Variants in GLIS3 observed in about 807,000 individuals in gnomAD.
GLIS3 encodes GLIS family zinc finger 3, also known as zinc finger protein GLIS3.
A neutral mutation model predicts 78.6 loss-of-function variants in GLIS3; 53 were observed. The observed-to-expected ratio is 0.67, with a 90% confidence interval of 0.54 to 0.85. The LOEUF is 0.85. GLIS3 is among the 40% of genes least tolerant of loss of function. The pLI is 0.00. For synonymous variants in GLIS3, 684 were observed against 509.9 expected, an observed-to-expected ratio of 1.34 and a Z score of -4.60; for missense variants, 1,703 against 1,231.1, an observed-to-expected ratio of 1.38 and a Z score of -5.74.
At chr9:3,962,692 A>G (rs1007978246) in intron 4 of GLIS3, among the ~76,000 whole-genome samples, 2 of 152,114 alleles carry the variant, frequency 1.3e-5, no homozygotes, top group African/African-American at 4.8e-5. Flanking sequence ...AAATAGGGAG[A>G]AACAAGAGAA....
At chr9:4,148,172 C>T (rs1005170403) in intron 2 of GLIS3, among the ~76,000 whole-genome samples, 2 of 152,120 alleles carry the variant, frequency 1.3e-5, no homozygotes, top group East Asian at 1.9e-4. Context: ...ATCCCTCCCC[C>T]CTTTTTCTTA....
chr9:4,138,421 C>A (rs10974342), intron 2 of GLIS3, among the ~76,000 whole-genome samples: 4,368 of 152,284 alleles, frequency 0.029, 87 homozygotes, highest in Middle Eastern at 0.11. Flanking sequence ...AATTGAGTTG[C>A]TTCACTGCTG....
intron 2 of GLIS3, among the ~76,000 whole-genome samples, chr9:4,185,157 C>G (rs1004411155): frequency 6.6e-6 from 1 of 152,202 alleles, no homozygotes; most frequent in African/African-American, 2.4e-5. Flanking sequence ...CCGTCCCTAT[C>G]AATTTGACTT....
At chr9:4,026,686 T>C (rs545518766) in intron 4 of GLIS3, among the ~76,000 whole-genome samples, 51 of 152,346 alleles carry the variant, frequency 3.3e-4, no homozygotes, top group Non-Finnish European at 5.4e-4. Flanking sequence ...TATTTTGACA[T>C]CTCTTTTCTT....
At chr9:4,196,411 C>T (rs10814877) in intron 2 of GLIS3, among the ~76,000 whole-genome samples, 39,311 of 152,162 alleles carry the variant, frequency 0.26, 6,127 homozygotes, top group South Asian at 0.46. Context: ...CCTTTCCGCA[C>T]TGTGGAAGCT....
chr9:4,136,837 C>T (rs1037375284), intron 2 of GLIS3, among the ~76,000 whole-genome samples: 1 of 152,172 alleles, frequency 6.6e-6, no homozygotes, highest in Non-Finnish European at 1.5e-5. Flanking sequence ...ATTACTTATC[C>T]AACAGTGGTT....
chr9:4,467,597 C>T, the GLIS3 span, among the ~76,000 whole-genome samples: 4 of 152,172 alleles, frequency 2.6e-5, no homozygotes, highest in African/African-American at 9.7e-5. Flanking sequence ...AACTAACAAA[C>T]AGAAAGGACA....
chr9:4,034,205 C>T (rs940510413), intron 4 of GLIS3, among the ~76,000 whole-genome samples: 2 of 152,046 alleles, frequency 1.3e-5, no homozygotes, highest in African/African-American at 4.8e-5. Flanking sequence ...CTGGGCAACA[C>T]AGTAGCACCT....
chr9:3,981,370 C>G (rs576333625), intron 4 of GLIS3, among the ~76,000 whole-genome samples: 1 of 152,316 alleles, frequency 6.6e-6, no homozygotes, highest in Admixed American at 6.5e-5. Context: ...ATGCAAAAGC[C>G]TGACTCTAGC....
Position 4,118,958 on chromosome 9 carries a change from G to C in GLIS3, c.597-77C>G. On this transcript the variant is annotated intron_variant, in intron 3 of 10. Transcript: ENST00000381971. The surrounding 1 kb of genome is among the most constrained non-coding windows in gnomAD (Gnocchi z 4.7). ...GATACGGATTGCTTAAGAGCTAAAA[G>C]AACACTGCATTGACAATCCCTTAAG... 1.4e-6 allele frequency: 2 copies of C among 1,427,796 alleles called. No individual in the cohort carries two copies. Among genetic ancestry groups the C allele is most frequent in the Non-Finnish European group, 1.9e-6 (2 of 1,044,182 alleles). 88.4% of individuals were successfully genotyped at this position (1,427,796 alleles called of 1,614,324 possible). A position where few individuals can be genotyped will look rare whatever the true frequency, so the allele number is the denominator to read the frequency against.
the GLIS3 span, among the ~76,000 whole-genome samples, chr9:4,473,089 T>A: frequency 1.3e-5 from 2 of 152,212 alleles, no homozygotes; most frequent in Admixed American, 1.3e-4. Context: ...TGTATACGCA[T>A]TTCTTTTTCT....
At chr9:4,024,124 C>A (rs1475064817) in intron 4 of GLIS3, among the ~76,000 whole-genome samples, 1 of 152,044 alleles carries the variant, frequency 6.6e-6, no homozygotes, top group Non-Finnish European at 1.5e-5. Flanking sequence ...TTAATTTTTC[C>A]CAAAGTGATA....
intron 4 of GLIS3, among the ~76,000 whole-genome samples, chr9:4,103,558 C>G (rs1348923788): frequency 6.6e-6 from 1 of 152,186 alleles, no homozygotes; most frequent in Non-Finnish European, 1.5e-5. Flanking sequence ...TCTCAACACA[C>G]AATGACCAAG....
At chr9:3,891,302 G>A (rs1044280232) in intron 7 of GLIS3, among the ~76,000 whole-genome samples, 2 of 152,090 alleles carry the variant, frequency 1.3e-5, no homozygotes, top group Admixed American at 6.5e-5. Flanking sequence ...AGGAAAATTC[G>A]GGTTACAGGA....
At chr9:4,451,583 G>C in the GLIS3 span, among the ~76,000 whole-genome samples, 1 of 152,022 alleles carries the variant, frequency 6.6e-6, no homozygotes, top group Non-Finnish European at 1.5e-5. Context: ...CCCCAAAATT[G>C]ACCACATAGT....
At position 4,092,642 on chromosome 9, in the gene GLIS3, C is replaced by CAT. The variant is rs1829619456; in HGVS notation, c.1710+25124_1710+25125dup. On this transcript the variant is annotated intron_variant, in intron 4 of 10. Coordinates refer to ENST00000381971, the MANE Select transcript of GLIS3 (RefSeq NM_001042413.2). ...TCAATATCACTGTCTTCCACCTCCA[C>CAT]ATCTCATCCCACTGGAGGGTCTTCA... 5.3e-5 allele frequency among the ~76,000 whole-genome samples: 8 copies of CAT among 152,298 alleles called. No individual in the cohort carries two copies. In the South Asian group the frequency reaches 1.7e-3, roughly 32 times the overall value.
chr9:4,421,123 C>T, the GLIS3 span, among the ~76,000 whole-genome samples: 26,079 of 152,092 alleles, frequency 0.17, 2,333 homozygotes, highest in African/African-American at 0.18. Context: ...TGACTGCTGA[C>T]TTGTAAAGCA....
the GLIS3 span, among the ~76,000 whole-genome samples, chr9:4,368,290 G>C: frequency 3.3e-5 from 5 of 151,504 alleles, no homozygotes; most frequent in Admixed American, 6.6e-5. Flanking sequence ...AGAGCATCAC[G>C]AGGCAGAGAA....
the GLIS3 span, among the ~76,000 whole-genome samples, chr9:4,392,239 G>C: frequency 6.6e-6 from 1 of 151,406 alleles, no homozygotes; most frequent in Non-Finnish European, 1.5e-5. Flanking sequence ...AGGGCCTGTC[G>C]TGGGGCGGGG....
Sources: allele counts gnomAD v4.1 joint callset (sites outside exome capture counted in the v4.1 genomes callset), GRCh38; gene constraint gnomAD v4.1.1; non-coding constraint Gnocchi (gnomAD v3.1); transcripts MANE v1.5; gene names NCBI Gene and HGNC (gene_info 2026-07-23, HGNC 2026-07-21).